The following ZBTB20 variants were observed in gnomAD, a reference collection of about 807,000 sequenced individuals.
ZBTB20 encodes zinc finger and BTB domain-containing protein 20.
A neutral mutation model predicts 56.9 loss-of-function variants in ZBTB20; 9 were observed. The ratio of observed to expected loss-of-function variants is 0.16; its 90% CI spans 0.10 to 0.28. The LOEUF is 0.28. ZBTB20 is among the 10% of genes least tolerant of loss of function. The pLI is 1.00. For missense variants in ZBTB20, 655 were observed against 1,003.0 expected (o/e 0.65, Z 4.69); for synonymous variants, 417 against 420.7 (o/e 0.99, Z 0.11).
rs778183614 is a variant in ZBTB20, at chr3:114,351,804, C to A, written c.274G>T (p.Glu92Ter). ...CGGTTGCGCTGCTCGTTGAGGGTCT[C>A]GAGCACGGAATTGCTGAAGTTGTGA... ...NLHNFSNSVLETLNEQRNRGH... is the reference protein window; with the variant it reads ...NLHNFSNSVL Residue 92 changes from glutamate (E) to a stop codon, truncating the protein, a stop_gained, in exon 11 of 12, where the codon GAG (glutamate) becomes TAG (stop). Coordinates refer to ENST00000675478, the MANE Select transcript of ZBTB20 (RefSeq NM_001348800.3). LOFTEE classifies it high-confidence loss of function. 1 of 1,607,826 alleles carries A rather than the reference C, an allele frequency of 6.2e-7. No homozygotes were observed.
At chr3:114,598,711 A>AT (rs1013383622) in intron 6 of ZBTB20, among the ~76,000 whole-genome samples, 1 of 151,972 alleles carries the variant, frequency 6.6e-6, no homozygotes, top group African/African-American at 2.4e-5. Context: ...TTTTCTCTTC[A>AT]TTTTTTTATA....
intron 6 of ZBTB20, among the ~76,000 whole-genome samples, chr3:114,581,243 A>C (rs2054606509): frequency 6.6e-6 from 1 of 152,010 alleles, no homozygotes; most frequent in South Asian, 2.1e-4. Flanking sequence ...AATAGGGTGC[A>C]TGTAGGGTAC....
chr3:114,778,244 TTAATAATAATAA>T lies in ZBTB20; in HGVS notation c.-343+22845_-343+22856del, dbSNP rs370933299. On this transcript the variant is annotated intron_variant, in intron 5 of 11. Coordinates refer to ENST00000675478, the MANE Select transcript of ZBTB20 (RefSeq NM_001348800.3). Reference sequence around the variant, plus strand: ...CATGTACCCTAAAACTTAAAGTATGTTAATAATAATAATAATAATAATAATAATAATAATAAT... The same window carrying T: ...CATGTACCCTAAAACTTAAAGTATGTTAATAATAATAATAATAATAATAAT... Among the ~76,000 whole-genome samples the T allele has an allele frequency of 3.3e-3, 450 of 137,876 alleles. 3 individuals carry two copies. The highest frequency in any genetic ancestry group is 0.01 in the African/African-American group (376 of 36,926). 90.5% of individuals were successfully genotyped at this position (137,876 alleles called of 152,430 possible).
chr3:114,345,720 G>C (rs2683784), intron 11 of ZBTB20, among the ~76,000 whole-genome samples: 2,512 of 152,110 alleles, frequency 0.017, 69 homozygotes, highest in African/African-American at 0.058. Context: ...GTGAAGGGTG[G>C]GGGAACATAA....
chr3:114,607,781 A>T (rs1332446051), intron 6 of ZBTB20, among the ~76,000 whole-genome samples: 2 of 152,188 alleles, frequency 1.3e-5, no homozygotes, highest in Non-Finnish European at 2.9e-5. Flanking sequence ...AGTTGGTTTT[A>T]CAAATAGGGA....
chr3:114,693,827 C>T (rs375550048), intron 5 of ZBTB20, among the ~76,000 whole-genome samples: 13 of 152,162 alleles, frequency 8.5e-5, no homozygotes, highest in African/African-American at 2.6e-4. Flanking sequence ...GAATGACTTG[C>T]TGCCCATTTC....
At chr3:115,011,371 A>G (rs1212887480) in intron 2 of ZBTB20, among the ~76,000 whole-genome samples, 1 of 151,886 alleles carries the variant, frequency 6.6e-6, no homozygotes, top group Non-Finnish European at 1.5e-5. Flanking sequence ...TCAAACTCCC[A>G]AAGATCAAGG....
At chr3:114,927,519 A>G (rs992904169) in intron 3 of ZBTB20, among the ~76,000 whole-genome samples, 1 of 152,296 alleles carries the variant, frequency 6.6e-6, no homozygotes, top group African/African-American at 2.4e-5. Flanking sequence ...CCTGGCCTCA[A>G]AAGTTTCAAA....
At chr3:114,450,965 G>A (rs1254043767) in intron 7 of ZBTB20, among the ~76,000 whole-genome samples, 1 of 151,958 alleles carries the variant, frequency 6.6e-6, no homozygotes. Context: ...TTTCGTTCCT[G>A]GTTGAAAATT....
intron 5 of ZBTB20, among the ~76,000 whole-genome samples, chr3:114,761,018 TC>T (rs2068395624): frequency 6.6e-6 from 1 of 152,166 alleles, no homozygotes; most frequent in African/African-American, 2.4e-5. Flanking sequence ...AAAAGCTCTT[TC>T]ATAGATAGTA....
intron 3 of ZBTB20, among the ~76,000 whole-genome samples, chr3:114,920,091 T>C (rs2075899988): frequency 6.6e-6 from 1 of 152,160 alleles, no homozygotes; most frequent in South Asian, 2.1e-4. Context: ...ATTGCACATA[T>C]ACATGCACTC....
chr3:114,711,932 T>C (rs2064114462), intron 5 of ZBTB20, among the ~76,000 whole-genome samples: 1 of 152,238 alleles, frequency 6.6e-6, no homozygotes, highest in South Asian at 2.1e-4. Flanking sequence ...TTTTCCTTCA[T>C]AGATTAGACT....
At chr3:114,528,969 C>A (rs554655434) in intron 6 of ZBTB20, 1 of 152,232 alleles carries the variant, frequency 6.6e-6, no homozygotes, top group Non-Finnish European at 1.5e-5. Flanking sequence ...TTCAATCCCC[C>A]CTTTCCCTAT....
chr3:114,533,594 C>A (rs2048116405), intron 6 of ZBTB20, among the ~76,000 whole-genome samples: 1 of 152,122 alleles, frequency 6.6e-6, no homozygotes, highest in Non-Finnish European at 1.5e-5. Context: ...GCTTCCCCAG[C>A]CTAGCAAGAC....
chr3:114,363,139 C>T (rs537246124), intron 10 of ZBTB20, among the ~76,000 whole-genome samples: 1 of 152,240 alleles, frequency 6.6e-6, no homozygotes, highest in South Asian at 2.1e-4. Context: ...AGTTTAAAAA[C>T]CTTCAGGTCA....
intron 6 of ZBTB20, among the ~76,000 whole-genome samples, chr3:114,588,107 G>A (rs1046478893): frequency 5.9e-5 from 9 of 152,108 alleles, no homozygotes; most frequent in African/African-American, 2.2e-4. Context: ...ATTACTTCCA[G>A]GGGGCCTTCT....
chr3:114,617,742 A>G (rs1467634304), intron 6 of ZBTB20, among the ~76,000 whole-genome samples: 1 of 152,090 alleles, frequency 6.6e-6, no homozygotes, highest in Non-Finnish European at 1.5e-5. Context: ...TTGTCACTCA[A>G]ACTTTCCAGA....
At chr3:114,755,122 A>C (rs2067910846) in intron 5 of ZBTB20, among the ~76,000 whole-genome samples, 1 of 152,204 alleles carries the variant, frequency 6.6e-6, no homozygotes. Context: ...ATCCTGATAT[A>C]GGTAATCCCT....
intron 6 of ZBTB20, among the ~76,000 whole-genome samples, chr3:114,672,963 T>C (rs753420051): frequency 2.0e-5 from 3 of 152,156 alleles, no homozygotes; most frequent in Non-Finnish European, 4.4e-5. Flanking sequence ...CTAGAAATTC[T>C]TGGAATCTGA....
Sources: gnomAD v4.1 joint callset for allele counts (sites outside exome capture counted in the v4.1 genomes callset) on GRCh38, gnomAD v4.1.1 for gene constraint, MANE v1.5 for transcripts, NCBI Gene and HGNC (gene_info 2026-07-23, HGNC 2026-07-21) for gene names.